The following SYNE1 variants were observed in gnomAD, a reference collection of about 807,000 sequenced individuals.
SYNE1 encodes the protein spectrin repeat containing nuclear envelope protein 1.
A neutral mutation model predicts 1,111.0 loss-of-function variants in SYNE1; 616 were observed. That is an observed-to-expected ratio of 0.55 (90% CI 0.52 to 0.59). SYNE1 has a LOEUF of 0.59. Ranked by LOEUF, SYNE1 falls within the 20% of genes least tolerant of loss-of-function variation. SYNE1 has a pLI of 0.00. For missense variants in SYNE1, 10,006 were observed against 10,417.0 expected (o/e 0.96, Z 1.72); for synonymous variants, 3,855 against 3,825.8 (o/e 1.01, Z -0.28).
intron 64 of SYNE1, 75 bp from the exon 65 acceptor site, chr6:152,359,533 T>C (rs1347595288): frequency 1.3e-6 from 2 of 1,587,828 alleles, no homozygotes; most frequent in Admixed American, 3.4e-5. Flanking sequence ...AATCAAGATA[T>C]TTTAATTGTA....
intron 32 of SYNE1, among the ~76,000 whole-genome samples, chr6:152,438,082 A>G (rs964366769): frequency 6.6e-6 from 1 of 152,178 alleles, no homozygotes; most frequent in African/African-American, 2.4e-5. Context: ...ATAAAAATGA[A>G]TAAGTACAGC....
chr6:152,162,073 G>C (rs541221109), intron 131 of SYNE1, among the ~76,000 whole-genome samples: 3 of 152,318 alleles, frequency 2.0e-5, no homozygotes, highest in South Asian at 4.1e-4. Flanking sequence ...TCTTCTACCT[G>C]AGTAAAGGAA....
At chr6:152,266,831 G>T (rs191254781) in intron 100 of SYNE1, among the ~76,000 whole-genome samples, 1 of 152,150 alleles carries the variant, frequency 6.6e-6, no homozygotes, top group Admixed American at 6.5e-5. Flanking sequence ...ATATATGTGT[G>T]TGTATATGTA....
intron 3 of SYNE1, among the ~76,000 whole-genome samples, chr6:152,600,338 C>T (rs1357827786): frequency 1.3e-5 from 2 of 152,092 alleles, no homozygotes; most frequent in African/African-American, 4.8e-5. Flanking sequence ...AATGTATAAT[C>T]CAAACAATAC....
intron 3 of SYNE1, among the ~76,000 whole-genome samples, chr6:152,608,625 A>G (rs2099622669): frequency 6.6e-6 from 1 of 152,174 alleles, no homozygotes; most frequent in African/African-American, 2.4e-5. Flanking sequence ...TAGGAACCTC[A>G]GTTACTTGTC....
rs147754184 is a variant in SYNE1 at position 152,614,679 on chromosome 6, C to T, written c.67+13586G>A. On this transcript the variant is annotated intron_variant, in intron 3 of 145. Transcript: ENST00000367255. Reference sequence around the variant, plus strand: ...AATCATGCTACTATAAGGACACATGCACACGTATGTTTATTGCAGCACTAT... The same window carrying T: ...AATCATGCTACTATAAGGACACATGTACACGTATGTTTATTGCAGCACTAT... 6.0e-4 allele frequency among the ~76,000 whole-genome samples: 92 copies of T among 152,274 alleles called. 2 individuals carry two copies. Among genetic ancestry groups the T allele is most frequent in the African/African-American group, 2.0e-3 (83 of 41,546 alleles).
chr6:152,143,682 T>G lies in SYNE1; in HGVS notation c.25060A>C (p.Asn8354His), dbSNP rs1235381065. 6.2e-7 allele frequency: 1 copy of G among 1,614,232 alleles called. No individual in the cohort carries two copies. The highest frequency in any genetic ancestry group is 2.2e-5 in the East Asian group (1 of 44,886). Residue 8354 changes from asparagine (N) to histidine (H), a missense_variant, in exon 138 of 146, where the codon AAT (asparagine) becomes CAT (histidine). Around this residue, in one of 7 missense-constraint regions of SYNE1, gnomAD observed 761 missense variants for 795.5 expected, o/e 0.96. Transcript: ENST00000367255. ...GTGGGAGTTTTGCTGCGAATGATAT[T>G]TTCGGTTTGCTGTATCTGAAAACGG... is the stretch of plus-strand genomic sequence containing the variant. Reference protein sequence around the residue: ...DSRFQIQQTENIIRSKTPTGP... With the variant: ...DSRFQIQQTEHIIRSKTPTGP...
intron 16 of SYNE1, among the ~76,000 whole-genome samples, chr6:152,468,928 A>G (rs2098788158): frequency 6.6e-6 from 1 of 152,134 alleles, no homozygotes; most frequent in Non-Finnish European, 1.5e-5. Flanking sequence ...GGTGCACACC[A>G]TGACACCAGG....
intron 145 of SYNE1, chr6:152,127,042 T>G (rs1378195764): frequency 1.3e-5 from 2 of 152,188 alleles, no homozygotes; most frequent in South Asian, 2.1e-4. Context: ...ACCCAGTGTT[T>G]CCTGGATATA....
At chr6:152,127,966 T>C (rs1431875009) in intron 145 of SYNE1, 2 of 152,180 alleles carry the variant, frequency 1.3e-5, no homozygotes, top group African/African-American at 4.8e-5. Context: ...GTAAAGAAGG[T>C]GCCAGAGACC....
chr6:152,381,498 C>A (rs2097414580), intron 55 of SYNE1, 136 bp from the exon 56 acceptor site: 1 of 854,716 alleles, frequency 1.2e-6, no homozygotes, highest in Non-Finnish European at 2.0e-6. Flanking sequence ...AGAATCAATT[C>A]ATCTGTCCAC....
chr6:152,461,575 G>T (rs1316250715), intron 21 of SYNE1, 22 bp downstream of exon 21: 1 of 1,613,712 alleles, frequency 6.2e-7, no homozygotes, highest in Non-Finnish European at 8.5e-7. Flanking sequence ...ACAGCCTATT[G>T]TGCATTAAAT....
At position 152,133,311 on chromosome 6, in the gene SYNE1, G is replaced by T. The variant is rs748509032; in HGVS notation, c.25966C>A (p.Leu8656Met). The T allele has an allele frequency of 2.7e-5, 44 of 1,614,040 alleles. No individual in the cohort carries two copies. Among genetic ancestry groups the T allele is most frequent in the African/African-American group, 1.3e-4 (10 of 74,922 alleles). The change falls in exon 143 of 146, where the codon CTG becomes ATG. Residue 8656 changes from leucine to methionine, a missense_variant. Transcript: ENST00000367255. ...LKEVSRHIKE[L>M]EKLLDVSSSQ... ...CTTGACACGTCTAATAACTTCTCCA[G>T]TTCCTTGATATGACGACTGACCTCC...
At chr6:152,205,796 C>T (rs2076395828) in intron 126 of SYNE1, among the ~76,000 whole-genome samples, 6 of 152,108 alleles carry the variant, frequency 3.9e-5, no homozygotes, top group Admixed American at 3.9e-4. Flanking sequence ...AGAAGAGATA[C>T]CAATCTTGAA....
At chr6:152,632,391 A>G (rs540839060) in intron 2 of SYNE1, among the ~76,000 whole-genome samples, 1 of 152,210 alleles carries the variant, frequency 6.6e-6, no homozygotes, top group East Asian at 1.9e-4. Flanking sequence ...CATATTTCCT[A>G]TTTTGTGAAA....
At chr6:152,229,072 C>G (rs1382441456) in intron 115 of SYNE1, among the ~76,000 whole-genome samples, 1 of 152,158 alleles carries the variant, frequency 6.6e-6, no homozygotes, top group Non-Finnish European at 1.5e-5. Context: ...TGATTAAGTG[C>G]TTAAATATAC....
chr6:152,396,262 G>A (rs1204262540), intron 50 of SYNE1, among the ~76,000 whole-genome samples: 1 of 152,226 alleles, frequency 6.6e-6, no homozygotes, highest in Non-Finnish European at 1.5e-5. Context: ...AGCTGGGCAA[G>A]AGTCAGGCAA....
At chr6:152,541,747 C>CAA (rs1267855271) in intron 3 of SYNE1, among the ~76,000 whole-genome samples, 19,393 of 58,522 alleles carry the variant, frequency 0.33, 2,445 homozygotes, top group East Asian at 0.46. Context: ...GACTCCATCT[C>CAA]AAAAAAAAAA....
intron 60 of SYNE1, 113 bp downstream of exon 60, chr6:152,369,356 CTA>C (rs1323099261): frequency 6.0e-6 from 9 of 1,510,522 alleles, no homozygotes; most frequent in Non-Finnish European, 8.2e-6. Flanking sequence ...GAAAAACACA[CTA>C]TGTCTCACGG....
Sources: gnomAD v4.1 joint callset for allele counts (sites outside exome capture counted in the v4.1 genomes callset) on GRCh38, gnomAD v4.1.1 for gene constraint, gnomAD v4.1.1 regional missense constraint, MANE v1.5 for transcripts, NCBI Gene and HGNC (gene_info 2026-07-23, HGNC 2026-07-21) for gene names.